PDE1C: variants seen among roughly 807,000 people sequenced by gnomAD.
PDE1C encodes phosphodiesterase 1C.
A neutral mutation model predicts 93.1 loss-of-function variants in PDE1C; 62 were observed. The ratio of observed to expected loss-of-function variants is 0.67; its 90% confidence interval spans 0.54 to 0.82. PDE1C has a LOEUF of 0.82. Ranked by LOEUF, PDE1C falls within the 40% of genes least tolerant of loss-of-function variation. The probability of loss-of-function intolerance (pLI) is 0.00; values close to 1 mark genes in which losing one functional copy is unlikely to be tolerated. For synonymous variants in PDE1C, 325 were observed against 310.1 expected (o/e 1.05, Z -0.50); for missense variants, 742 against 884.6 (o/e 0.84, Z 2.04).
At chr7:32,256,171 CAA>C (rs989729995) in intron 1 of PDE1C, among the ~76,000 whole-genome samples, 1 of 152,020 alleles carries the variant, frequency 6.6e-6, no homozygotes, top group Non-Finnish European at 1.5e-5. Flanking sequence ...AAGCTTCACA[CAA>C]AAAAAATTAA....
chr7:31,624,930 AAAAC>A, the PDE1C span, among the ~76,000 whole-genome samples: 2 of 152,224 alleles, frequency 1.3e-5, no homozygotes, highest in Non-Finnish European at 2.9e-5. Flanking sequence ...TTACAAGAAA[AAAAC>A]AAACAACCCC....
At chr7:31,705,065 C>T in the PDE1C span, among the ~76,000 whole-genome samples, 7 of 152,268 alleles carry the variant, frequency 4.6e-5, no homozygotes, top group Middle Eastern at 3.4e-3. Context: ...TAATTCTTAA[C>T]TGTATTAATA....
At chr7:32,262,985 A>G (rs1323454918) in intron 1 of PDE1C, among the ~76,000 whole-genome samples, 11 of 152,166 alleles carry the variant, frequency 7.2e-5, no homozygotes. Flanking sequence ...TTACCATTGA[A>G]TTATAATTAA....
At chr7:32,032,907 C>T (rs1180756653) in intron 2 of PDE1C, among the ~76,000 whole-genome samples, 1 of 152,096 alleles carries the variant, frequency 6.6e-6, no homozygotes, top group Non-Finnish European at 1.5e-5. Flanking sequence ...GTGAGTAATG[C>T]AGCAGCAAAG....
At chr7:31,773,187 C>T (rs1317520937) in intron 17 of PDE1C, among the ~76,000 whole-genome samples, 1 of 152,198 alleles carries the variant, frequency 6.6e-6, no homozygotes, top group East Asian at 1.9e-4. Flanking sequence ...CCACTTCCAC[C>T]TCTGACCATC....
intron 1 of PDE1C, among the ~76,000 whole-genome samples, chr7:32,219,202 C>CT (rs914204683): frequency 1.2e-4 from 18 of 152,168 alleles, no homozygotes; most frequent in African/African-American, 3.9e-4. Flanking sequence ...CCTGGAGTGA[C>CT]TAGTAGTGAG....
At chr7:31,786,976 C>T (rs1418960457) in intron 16 of PDE1C, 4 of 150,554 alleles carry the variant, frequency 2.7e-5, no homozygotes, top group African/African-American at 4.9e-5. Flanking sequence ...ATCTATCTAT[C>T]TACCTACCTA....
At chr7:31,969,433 CACA>C (rs1372760488) in intron 2 of PDE1C, among the ~76,000 whole-genome samples, 1 of 152,010 alleles carries the variant, frequency 6.6e-6, no homozygotes, top group Non-Finnish European at 1.5e-5. Flanking sequence ...AAATCAAAAC[CACA>C]ACGAGATACC....
intron 1 of PDE1C, among the ~76,000 whole-genome samples, chr7:32,359,701 G>A (rs1331023222): frequency 6.6e-6 from 1 of 152,148 alleles, no homozygotes; most frequent in Non-Finnish European, 1.5e-5. Flanking sequence ...AATGTAAGAG[G>A]CTGTCTTATT....
chr7:32,112,844 G>GTATATA (rs1227112323), intron 3 of PDE1C, among the ~76,000 whole-genome samples: 6 of 54,140 alleles, frequency 1.1e-4, no homozygotes, highest in Admixed American at 1.7e-4. Flanking sequence ...GTGTGTGTGT[G>GTATATA]TGTATATATA....
chr7:31,697,286 A>C, the PDE1C span, among the ~76,000 whole-genome samples: 1 of 152,086 alleles, frequency 6.6e-6, no homozygotes. Flanking sequence ...GTTTATCTCT[A>C]CTAGTAGCTC....
intron 2 of PDE1C, among the ~76,000 whole-genome samples, chr7:32,206,068 G>A (rs1245051073): frequency 6.6e-6 from 1 of 152,154 alleles, no homozygotes; most frequent in African/African-American, 2.4e-5. Flanking sequence ...TGTGTTTTTA[G>A]AGGGGTAAGG....
chr7:32,355,492 G>A (rs1784013298), intron 1 of PDE1C, among the ~76,000 whole-genome samples: 1 of 151,422 alleles, frequency 6.6e-6, no homozygotes, highest in African/African-American at 2.4e-5. Flanking sequence ...TCCCTTTTCT[G>A]CAATGTGTCC....
At chr7:31,846,155 C>T (rs376227458) in intron 9 of PDE1C, among the ~76,000 whole-genome samples, 22 of 152,004 alleles carry the variant, frequency 1.4e-4, no homozygotes, top group African/African-American at 5.1e-4. Context: ...CTAAAGCTTG[C>T]ATAATTGCCT....
chr7:31,916,755 T>C (rs752576986), intron 2 of PDE1C, among the ~76,000 whole-genome samples: 21 of 152,084 alleles, frequency 1.4e-4, no homozygotes, highest in Non-Finnish European at 2.8e-4. Flanking sequence ...AACAAAATAC[T>C]AGTTTATATT....
intron 1 of PDE1C, among the ~76,000 whole-genome samples, chr7:32,384,989 C>T (rs1048601816): frequency 3.3e-5 from 5 of 151,968 alleles, no homozygotes; most frequent in South Asian, 2.1e-4. Flanking sequence ...ACCAAGGAGG[C>T]GGGGATACTA....
At chr7:32,387,690 C>T (rs1170363512) in intron 1 of PDE1C, among the ~76,000 whole-genome samples, 1 of 145,502 alleles carries the variant, frequency 6.9e-6, no homozygotes, top group Non-Finnish European at 1.5e-5. Flanking sequence ...TGACCCCCCC[C>T]ACCTCCCTCC....
intron 3 of PDE1C, among the ~76,000 whole-genome samples, chr7:32,104,608 G>A (rs1798206031): frequency 6.6e-6 from 1 of 152,078 alleles, no homozygotes; most frequent in African/African-American, 2.4e-5. Flanking sequence ...AAATATTGAC[G>A]ATGGAGGCCA....
At chr7:31,648,390 T>A in the PDE1C span, among the ~76,000 whole-genome samples, 73 of 152,184 alleles carry the variant, frequency 4.8e-4, no homozygotes, top group Non-Finnish European at 9.7e-4. Context: ...GGTTTTTATT[T>A]ATTTTTTTTC....
Sources: allele counts gnomAD v4.1 joint callset (sites outside exome capture counted in the v4.1 genomes callset), GRCh38; gene constraint gnomAD v4.1.1; transcripts MANE v1.5; gene names NCBI Gene and HGNC (gene_info 2026-07-23, HGNC 2026-07-21).